The following RIMBP2 variants were observed in gnomAD, a reference collection of about 807,000 sequenced individuals.
The protein encoded by RIMBP2 is RIMS-binding protein 2.
In RIMBP2, 48 loss-of-function variants were observed where a neutral mutation model predicts 118.6. The ratio of observed to expected loss-of-function variants is 0.40; its 90% CI spans 0.32 to 0.51. The LOEUF (loss-of-function observed/expected upper bound fraction) is 0.51. Ranked by LOEUF, RIMBP2 falls within the 20% of genes least tolerant of loss-of-function variation. The pLI, the probability that RIMBP2 is intolerant of heterozygous loss-of-function variation, is 0.41. For synonymous variants in RIMBP2, 762 were observed against 742.9 expected, an observed-to-expected ratio of 1.03 and a Z score of -0.42; for missense variants, 1,551 against 1,768.3, an observed-to-expected ratio of 0.88 and a Z score of 2.20.
intron 22 of RIMBP2, 169 bp from the exon 23 acceptor site, chr12:130,397,718 G>A (rs893798462): frequency 3.4e-5 from 13 of 387,180 alleles, no homozygotes; most frequent in Middle Eastern, 6.5e-4. Flanking sequence ...CCCACAGCAC[G>A]CCAGAGAGAG....
chr12:130,456,810 G>A (rs2079493321), intron 6 of RIMBP2, 110 bp from the exon 7 acceptor site: 4 of 740,010 alleles, frequency 5.4e-6, no homozygotes, highest in East Asian at 2.7e-5. Context: ...GTGTGCACGT[G>A]TGTACACACG....
intron 2 of RIMBP2, among the ~76,000 whole-genome samples, chr12:130,547,654 A>C (rs1171364980): frequency 6.6e-6 from 1 of 152,228 alleles, no homozygotes; most frequent in Non-Finnish European, 1.5e-5. Context: ...CTACTCTGTC[A>C]CGTCAGCCCC....
At chr12:130,614,217 A>C (rs2060758530) in intron 2 of RIMBP2, among the ~76,000 whole-genome samples, 1 of 152,202 alleles carries the variant, frequency 6.6e-6, no homozygotes, top group Non-Finnish European at 1.5e-5. Flanking sequence ...TAAAGAGTAC[A>C]ATAAAGAAAC....
chr12:130,647,445 A>G (rs2063041899), intron 1 of RIMBP2, among the ~76,000 whole-genome samples: 1 of 108,972 alleles, frequency 9.2e-6, no homozygotes, highest in African/African-American at 2.8e-5. Context: ...TTGCTTCCCT[A>G]TAGAAGCTAA....
intron 1 of RIMBP2, among the ~76,000 whole-genome samples, chr12:130,695,962 G>C (rs1167895772): frequency 6.6e-6 from 1 of 152,080 alleles, no homozygotes; most frequent in South Asian, 2.1e-4. Context: ...GACCCCTGGA[G>C]GAGGAGTACA....
chr12:130,573,443 G>A (rs138953454), intron 2 of RIMBP2, among the ~76,000 whole-genome samples: 5 of 151,938 alleles, frequency 3.3e-5, no homozygotes, highest in African/African-American at 1.2e-4. Context: ...TGTGTGCGTG[G>A]GTGCGTGCGT....
intron 3 of RIMBP2, among the ~76,000 whole-genome samples, chr12:130,508,241 C>T (rs2050553948): frequency 1.3e-5 from 2 of 152,014 alleles, no homozygotes; most frequent in South Asian, 4.1e-4. Context: ...CCCCTAAATT[C>T]AGTCTCACAC....
At chr12:130,711,888 C>T (rs369740566) in intron 1 of RIMBP2, among the ~76,000 whole-genome samples, 35 of 152,370 alleles carry the variant, frequency 2.3e-4, no homozygotes, top group Admixed American at 3.9e-4. Context: ...GCCTCCTCCA[C>T]GCCCTGGCTC....
intron 1 of RIMBP2, among the ~76,000 whole-genome samples, chr12:130,629,618 C>T (rs117036690): frequency 0.015 from 2,221 of 152,206 alleles, 24 homozygotes; most frequent in South Asian, 0.071. Flanking sequence ...AGACAGTCCA[C>T]CTGTGGATAC....
chr12:130,599,478 A>T (rs942101833), intron 2 of RIMBP2, among the ~76,000 whole-genome samples: 1 of 152,244 alleles, frequency 6.6e-6, no homozygotes, highest in Non-Finnish European at 1.5e-5. Flanking sequence ...TCACCCAAGA[A>T]GACATATGGC....
In RIMBP2 at chr12:130,398,170, T is replaced by A. The variant is rs139970174; in HGVS notation, c.3901-621A>T. On this transcript the variant is annotated intron_variant, in intron 22 of 22. Coordinates refer to ENST00000690449, the MANE Select transcript of RIMBP2 (RefSeq NM_001393629.1). ...CTCAGTAGATAGCACATGGTAGTAT[T>A]TAAATATACGTTAAGCGCTTAATAG... 1.2e-3 allele frequency: 181 copies of A among 152,524 alleles called. 1 individual carries two copies. Among genetic ancestry groups the A allele is most frequent in the African/African-American group, 4.2e-3 (173 of 41,564 alleles). 9.4% of individuals were successfully genotyped at this position (152,524 alleles called of 1,614,324 possible). A position where few individuals can be genotyped will look rare whatever the true frequency, so the allele number is the denominator to read the frequency against.
intron 1 of RIMBP2, among the ~76,000 whole-genome samples, chr12:130,702,596 G>A (rs1486730784): frequency 1.4e-5 from 2 of 147,896 alleles, no homozygotes; most frequent in Non-Finnish European, 3.0e-5. Context: ...AGAAGGGAGG[G>A]AGGAAGGAAG....
At position 130,707,759 on chromosome 12, in the gene RIMBP2, G is replaced by A. The variant is rs567955115; in HGVS notation, c.-352+8463C>T. On this transcript the variant is annotated intron_variant, in intron 1 of 22. Transcript: ENST00000690449. ...CCCAGGGACAAGACCAGGGGTCTCT[G>A]GCCAAGGGGACCGAGGCGGCCCGAG... Among the ~76,000 whole-genome samples, 9 of 152,238 alleles carry A rather than the reference G, an allele frequency of 5.9e-5. No homozygotes were observed. In the East Asian group the frequency reaches 1.5e-3, roughly 26 times the overall value.
rs1308238341 is a variant in RIMBP2, at chr12:130,578,407, C to T, written c.-217+49915G>A. 1.3e-5 allele frequency among the ~76,000 whole-genome samples: 2 copies of T among 152,210 alleles called. No individual in the cohort carries two copies. Among genetic ancestry groups the T allele is most frequent in the Admixed American group, 1.3e-4 (2 of 15,282 alleles). ...CCAGCAGTACAAAGTGCAAACCTGCCTGACATCCAAGACCTTCTGCAGCTT... is the reference window on the plus strand; with the variant it reads ...CCAGCAGTACAAAGTGCAAACCTGCTTGACATCCAAGACCTTCTGCAGCTT... On this transcript the variant is annotated intron_variant, in intron 2 of 22. Transcript: ENST00000690449. This position sits in a 1 kb window ranked among gnomAD's most constrained non-coding sequence, Gnocchi z 4.1.
At chr12:130,534,483 G>A (rs1460157022) in intron 2 of RIMBP2, among the ~76,000 whole-genome samples, 1 of 152,144 alleles carries the variant, frequency 6.6e-6, no homozygotes. Flanking sequence ...GGTTATGCTA[G>A]AAGCTCAGGC....
intron 2 of RIMBP2, among the ~76,000 whole-genome samples, chr12:130,587,088 T>C (rs1223117628): frequency 6.9e-6 from 1 of 145,144 alleles, no homozygotes; most frequent in East Asian, 2.3e-4. Context: ...ATGCTCGTCA[T>C]CACTGGCCAT....
chr12:130,677,879 C>A (rs2136516422), intron 1 of RIMBP2, among the ~76,000 whole-genome samples: 1 of 152,358 alleles, frequency 6.6e-6, no homozygotes, highest in South Asian at 2.1e-4. Context: ...ACCTCGTTAC[C>A]ATTTCTCCAT....
At chr12:130,533,951 A>AG (rs1486954080) in intron 2 of RIMBP2, among the ~76,000 whole-genome samples, 2 of 150,182 alleles carry the variant, frequency 1.3e-5, no homozygotes, top group African/African-American at 4.9e-5. Context: ...AGATCACTTG[A>AG]GGTTAGGAGT....
intron 3 of RIMBP2, among the ~76,000 whole-genome samples, chr12:130,516,096 G>A (rs1174049979): frequency 2.6e-5 from 4 of 152,030 alleles, no homozygotes; most frequent in Non-Finnish European, 5.9e-5. Context: ...TATAGTGGTT[G>A]CACCATTTTA....
Sources: allele counts gnomAD v4.1 joint callset (sites outside exome capture counted in the v4.1 genomes callset), GRCh38; gene constraint gnomAD v4.1.1; non-coding constraint Gnocchi (gnomAD v3.1); transcripts MANE v1.5; gene names NCBI Gene and HGNC (gene_info 2026-07-23, HGNC 2026-07-21).